The following BCO2 variants were observed in gnomAD, a reference collection of about 807,000 sequenced individuals.
The protein encoded by BCO2 is beta-carotene oxygenase 2.
A neutral mutation model predicts 65.8 loss-of-function variants in BCO2; 56 were observed. The ratio of observed to expected loss-of-function variants is 0.85; its 90% CI spans 0.69 to 1.06. The LOEUF is 1.06. BCO2 is among the 50% of genes least tolerant of loss of function. The pLI is 0.00. For missense variants in BCO2, 675 were observed against 698.5 expected, an observed-to-expected ratio of 0.97 and a Z score of 0.38; for synonymous variants, 233 against 242.3, an observed-to-expected ratio of 0.96 and a Z score of 0.36.
intron 2 of BCO2, among the ~76,000 whole-genome samples, chr11:112,190,700 C>G (rs970675242): frequency 6.6e-6 from 1 of 151,366 alleles, no homozygotes; most frequent in Non-Finnish European, 1.5e-5. Flanking sequence ...ACTAAAAATA[C>G]AAAAAATTAG....
At chr11:112,181,395 A>T in intron 2 of BCO2, 1 of 552,924 alleles carries the variant, frequency 1.8e-6, no homozygotes, top group Non-Finnish European at 3.3e-6. Flanking sequence ...TTTAGCTGGG[A>T]TGGTCTCGAT....
intron 8 of BCO2, among the ~76,000 whole-genome samples, chr11:112,205,526 C>T (rs533210256): frequency 3.6e-4 from 55 of 152,242 alleles, no homozygotes; most frequent in Admixed American, 6.5e-4. Flanking sequence ...ATGATCATAG[C>T]TCACTGAAGC....
chr11:112,184,031 C>T (rs1867131468), intron 2 of BCO2, among the ~76,000 whole-genome samples: 1 of 152,170 alleles, frequency 6.6e-6, no homozygotes, highest in South Asian at 2.1e-4. Flanking sequence ...CTCATACAAT[C>T]ATCACAAGCA....
intron 1 of BCO2, among the ~76,000 whole-genome samples, chr11:112,178,701 A>C (rs1566763310): frequency 6.6e-6 from 1 of 152,178 alleles, no homozygotes; most frequent in Admixed American, 6.5e-5. Flanking sequence ...TGCATAATTT[A>C]ATTTTTGACA....
chr11:112,180,835 T>A, intron 2 of BCO2: 1 of 1,059,432 alleles, frequency 9.4e-7, no homozygotes, highest in South Asian at 1.3e-5. Flanking sequence ...TTGTTGTATA[T>A]GGAACTTTAT....
intron 2 of BCO2, among the ~76,000 whole-genome samples, chr11:112,192,925 G>GTTTTTTTTTGTTTTTTTT (rs1867434124): frequency 2.7e-5 from 1 of 36,670 alleles, no homozygotes; most frequent in African/African-American, 1.0e-4. Flanking sequence ...AAAATGTGAG[G>GTTTTTTTTTGTTTTTTTT]TTTTTTTTTT....
intron 9 of BCO2, 31 bp from the exon 10 acceptor site, chr11:112,214,731 C>A: frequency 6.3e-7 from 1 of 1,581,432 alleles, no homozygotes; most frequent in Non-Finnish European, 8.7e-7. Context: ...AATTAAGCAA[C>A]CACTACAAAT....
chr11:112,217,620 C>G, intron 11 of BCO2, 141 bp from the exon 12 acceptor site: 1 of 592,766 alleles, frequency 1.7e-6, no homozygotes, highest in Non-Finnish European at 3.0e-6. Flanking sequence ...CTCGGCCTCC[C>G]AAAGTGCTAG....
chr11:112,214,915 A>G lies in BCO2; in HGVS notation c.1486A>G (p.Lys496Glu). 1.2e-6 allele frequency: 2 copies of G among 1,614,152 alleles called. No homozygotes were observed. Among genetic ancestry groups the G allele is most frequent in the Non-Finnish European group, 1.7e-6 (2 of 1,180,026 alleles). Reference sequence around the variant, plus strand: ...GCATTTAGTGGGGGATTCTCTGATCAAGGTTGATGTGGTGAATAAGACACT... The same window carrying G: ...GCATTTAGTGGGGGATTCTCTGATCGAGGTTGATGTGGTGAATAAGACACT... ...FRHLVGDSLI[K>E]VDVVNKTLKV... The change falls in exon 10 of 12, where the codon AAG becomes GAG. Residue 496 changes from lysine (K) to glutamate (E), a missense_variant. Coordinates refer to ENST00000357685, the MANE Select transcript of BCO2 (RefSeq NM_031938.7).
chr11:112,200,451 C>G lies in BCO2; in HGVS notation c.866-162C>G, dbSNP rs1864349. 17 of 576,210 alleles carry G rather than the reference C, an allele frequency of 3.0e-5. No individual in the cohort carries two copies. In the African/African-American group the frequency reaches 3.1e-4, roughly 10 times the overall value. 35.7% of individuals were successfully genotyped at this position (576,210 alleles called of 1,614,324 possible). ...CTTTTTTATAAAGGAACAGGAAATA[C>G]GTATAGTAAAGCTGGGAGACAGTAA... On this transcript the variant is annotated intron_variant, in intron 6 of 11. Transcript: ENST00000357685.
intron 5 of BCO2, among the ~76,000 whole-genome samples, chr11:112,198,444 A>C (rs1867639644): frequency 6.6e-6 from 1 of 152,108 alleles, no homozygotes; most frequent in Non-Finnish European, 1.5e-5. Flanking sequence ...TCTGGAATAT[A>C]GTAGGTGCTC....
intron 2 of BCO2, among the ~76,000 whole-genome samples, chr11:112,184,739 T>C (rs1261123524): frequency 6.6e-6 from 1 of 152,204 alleles, no homozygotes; most frequent in Non-Finnish European, 1.5e-5. Flanking sequence ...TCATTATCTT[T>C]CTGCAGCAGC....
chr11:112,192,330 T>G (rs1375071360), intron 2 of BCO2, among the ~76,000 whole-genome samples: 2 of 152,176 alleles, frequency 1.3e-5, no homozygotes, highest in African/African-American at 4.8e-5. Flanking sequence ...CCCTCTTACC[T>G]CTTAGGGTCT....
At chr11:112,181,423 C>T (rs1485327172) in intron 2 of BCO2, 13 of 606,932 alleles carry the variant, frequency 2.1e-5, no homozygotes, top group South Asian at 9.4e-5. Flanking sequence ...CCTCGTGATC[C>T]GCCCGCCTCG....
intron 8 of BCO2, among the ~76,000 whole-genome samples, chr11:112,203,840 T>C (rs928350586): frequency 1.1e-4 from 17 of 152,052 alleles, no homozygotes; most frequent in African/African-American, 4.1e-4. Flanking sequence ...AAAAATGAGA[T>C]CATGCAATTT....
At chr11:112,200,874 A>G in intron 7 of BCO2, 101 bp downstream of exon 7, 7 of 1,281,782 alleles carry the variant, frequency 5.5e-6, no homozygotes, top group Non-Finnish European at 7.7e-6. Context: ...AAAAGTGCAT[A>G]AGACACTTTT....
At chr11:112,180,529 C>G (rs184833841) in intron 2 of BCO2, among the ~76,000 whole-genome samples, 2 of 152,142 alleles carry the variant, frequency 1.3e-5, no homozygotes, top group Non-Finnish European at 2.9e-5. Context: ...TTCAATAAAT[C>G]GATGCCAATA....
intron 5 of BCO2, among the ~76,000 whole-genome samples, chr11:112,195,290 A>G (rs1867538556): frequency 6.6e-6 from 1 of 151,942 alleles, no homozygotes; most frequent in Non-Finnish European, 1.5e-5. Flanking sequence ...GTCCTCTGCC[A>G]TGCCTGGCTA....
intron 5 of BCO2, among the ~76,000 whole-genome samples, chr11:112,197,202 A>T (rs900371875): frequency 4.6e-5 from 7 of 152,002 alleles, no homozygotes; most frequent in East Asian, 1.9e-4. Context: ...GTTGCTAAGG[A>T]CAATAACTGT....
Sources: gnomAD v4.1 joint callset for allele counts (sites outside exome capture counted in the v4.1 genomes callset) on GRCh38, gnomAD v4.1.1 for gene constraint, MANE v1.5 for transcripts, NCBI Gene and HGNC (gene_info 2026-07-23, HGNC 2026-07-21) for gene names.